Variants in OSBPL9 observed in about 807,000 individuals in gnomAD.
OSBPL9 encodes oxysterol binding protein like 9.
OSBPL9 carries 40 observed loss-of-function variants against 106.6 expected under a neutral mutation model. The observed-to-expected ratio is 0.38, with a 90% CI of 0.29 to 0.49. The LOEUF (loss-of-function observed/expected upper bound fraction) is 0.49, where lower values mean the gene tolerates loss of function less well. Ranked by LOEUF, OSBPL9 falls within the 20% of genes least tolerant of loss-of-function variation. The pLI, the probability that OSBPL9 is intolerant of heterozygous loss-of-function variation, is 0.97. For missense variants in OSBPL9, 609 were observed against 887.2 expected, an observed-to-expected ratio of 0.69 and a Z score of 3.98; for synonymous variants, 269 against 295.4, an observed-to-expected ratio of 0.91 and a Z score of 0.92.
chr1:51,606,339 A>G (rs1352594017), intron 2 of OSBPL9, among the ~76,000 whole-genome samples: 1 of 152,236 alleles, frequency 6.6e-6, no homozygotes, highest in Admixed American at 6.5e-5. Flanking sequence ...TGATCTCTGT[A>G]TCTTCAGCAC....
In OSBPL9 at chr1:51,759,266, G is replaced by A. The variant is rs188121780; in HGVS notation, c.583-1424G>A. ...CTTGATCGAAAAGACCTTATTTAAT[G>A]AGTTTTAGATATTCATGCAGAAAGA... is the stretch of plus-strand genomic sequence containing the variant. On this transcript the variant is annotated intron_variant, in intron 9 of 23. Coordinates refer to ENST00000428468, the MANE Select transcript of OSBPL9 (RefSeq NM_024586.6). Among the ~76,000 whole-genome samples the A allele has an allele frequency of 1.5e-3, 221 of 152,070 alleles. 1 individual carries two copies. The highest frequency in any genetic ancestry group is 5.2e-3 in the African/African-American group (216 of 41,508).
intron 2 of OSBPL9, among the ~76,000 whole-genome samples, chr1:51,602,441 G>A (rs1026530320): frequency 4.1e-5 from 1 of 24,678 alleles, no homozygotes; most frequent in African/African-American, 2.0e-4. Flanking sequence ...TTTTTTTTTT[G>A]AGACTGGGTC....
At chr1:51,783,610 G>C (rs923839744) in intron 17 of OSBPL9, among the ~76,000 whole-genome samples, 8 of 152,292 alleles carry the variant, frequency 5.3e-5, no homozygotes, top group Admixed American at 5.2e-4. Flanking sequence ...GGAAACACTG[G>C]CTGGGCCTAG....
In OSBPL9 at chr1:51,727,403, G is replaced by A. The variant is rs990960545; in HGVS notation, c.318+13324G>A. 1.3e-5 allele frequency among the ~76,000 whole-genome samples: 2 copies of A among 152,016 alleles called. 1 individual carries two copies. Among genetic ancestry groups the A allele is most frequent in the Non-Finnish European group, 2.9e-5 (2 of 68,006 alleles). On this transcript the variant is annotated intron_variant, in intron 4 of 23. Coordinates refer to ENST00000428468, the MANE Select transcript of OSBPL9 (RefSeq NM_024586.6). Reference sequence around the variant, plus strand: ...CATAAGAAATCTGTTTGAGGACTTCGTATGTGCCAGGAATTCTACTAAATA... The same window carrying A: ...CATAAGAAATCTGTTTGAGGACTTCATATGTGCCAGGAATTCTACTAAATA...
rs187467082 is a variant in OSBPL9, at chr1:51,737,823, A to C, written c.319-7713A>C. Among the ~76,000 whole-genome samples, 3 of 152,124 alleles carry C rather than the reference A, an allele frequency of 2.0e-5. No individual in the cohort carries two copies. In the East Asian group the frequency reaches 5.8e-4, roughly 29 times the overall value. On this transcript the variant is annotated intron_variant, in intron 4 of 23. Coordinates refer to ENST00000428468, the MANE Select transcript of OSBPL9 (RefSeq NM_024586.6). Reference sequence around the variant, plus strand: ...AATTTGCTGGATTCTGAATCATCTGAGGCAATTTTATATGCCTTTCATAAC... The same window carrying C: ...AATTTGCTGGATTCTGAATCATCTGCGGCAATTTTATATGCCTTTCATAAC...
At chr1:51,626,976 C>A (rs1644802844) in intron 1 of OSBPL9, among the ~76,000 whole-genome samples, 1 of 152,112 alleles carries the variant, frequency 6.6e-6, no homozygotes, top group Non-Finnish European at 1.5e-5. Context: ...ATGGGTAGGT[C>A]TGATCCATTT....
the OSBPL9 span, among the ~76,000 whole-genome samples, chr1:51,531,649 T>C: frequency 1.3e-5 from 2 of 152,224 alleles, no homozygotes; most frequent in Non-Finnish European, 2.9e-5. Context: ...TGACTAAATT[T>C]GATACACTTT....
intron 12 of OSBPL9, among the ~76,000 whole-genome samples, chr1:51,771,518 G>A (rs1201842588): frequency 1.3e-5 from 2 of 151,736 alleles, no homozygotes; most frequent in South Asian, 2.1e-4. Flanking sequence ...CACTTCCATC[G>A]GTAAATTATG....
At chr1:51,664,891 G>A (rs1446804621) in intron 2 of OSBPL9, among the ~76,000 whole-genome samples, 1 of 152,148 alleles carries the variant, frequency 6.6e-6, no homozygotes, top group Non-Finnish European at 1.5e-5. Context: ...ATTTTCAGAT[G>A]AGATAGTATA....
chr1:51,545,692 T>C, the OSBPL9 span, among the ~76,000 whole-genome samples: 4 of 152,120 alleles, frequency 2.6e-5, no homozygotes, highest in African/African-American at 7.2e-5. Context: ...AGAGGATCGC[T>C]TGAGTGCAGG....
chr1:51,699,209 A>G (rs1337615837), intron 3 of OSBPL9, among the ~76,000 whole-genome samples: 1 of 152,156 alleles, frequency 6.6e-6, no homozygotes, highest in Admixed American at 6.5e-5. Flanking sequence ...ACATGTATAC[A>G]TTAGTCCTGC....
rs760713948 is a variant in OSBPL9 at position 51,760,632 on chromosome 1, G to A, written c.583-58G>A. 6 of 1,608,156 alleles carry A rather than the reference G, an allele frequency of 3.7e-6. No individual in the cohort carries two copies. The Admixed American group carries it at 6.7e-5, about 18-fold the overall frequency. ...AAGTCATAAATGTGGGCATTTGGGAGGGTAGCATGAGAAGAGCATTTAATT... is the reference window on the plus strand; with the variant it reads ...AAGTCATAAATGTGGGCATTTGGGAAGGTAGCATGAGAAGAGCATTTAATT... On this transcript the variant is annotated intron_variant, in intron 9 of 23. Transcript: ENST00000428468.
At chr1:51,748,911 C>T (rs1668611582) in intron 7 of OSBPL9, among the ~76,000 whole-genome samples, 1 of 152,112 alleles carries the variant, frequency 6.6e-6, no homozygotes, top group South Asian at 2.1e-4. Flanking sequence ...CATGGATAAA[C>T]CCCATCTCTA....
intron 3 of OSBPL9, among the ~76,000 whole-genome samples, chr1:51,692,239 G>A (rs1398050486): frequency 6.6e-6 from 1 of 152,182 alleles, no homozygotes; most frequent in Non-Finnish European, 1.5e-5. Flanking sequence ...GAGCCTGGGA[G>A]GTCAGGGCTG....
the OSBPL9 span, among the ~76,000 whole-genome samples, chr1:51,549,831 TCAAAA>T: frequency 6.6e-6 from 1 of 152,198 alleles, no homozygotes; most frequent in Non-Finnish European, 1.5e-5. Context: ...AGACTCTGTC[TCAAAA>T]CAAAACAAAA....
intron 16 of OSBPL9, 58 bp from the exon 17 acceptor site, chr1:51,782,501 T>C: frequency 6.6e-7 from 1 of 1,505,178 alleles, no homozygotes; most frequent in Non-Finnish European, 9.2e-7. Context: ...TACCAGATTC[T>C]CTGAAATGTC....
chr1:51,672,414 A>G (rs558283907), intron 3 of OSBPL9, among the ~76,000 whole-genome samples: 1 of 152,148 alleles, frequency 6.6e-6, no homozygotes, highest in South Asian at 2.1e-4. Flanking sequence ...CAGTTTATTT[A>G]CTCATGACTA....
intron 4 of OSBPL9, among the ~76,000 whole-genome samples, chr1:51,741,637 GA>G (rs2148985908): frequency 7.1e-6 from 1 of 140,400 alleles, no homozygotes; most frequent in South Asian, 2.2e-4. Flanking sequence ...AAGTGTTTTT[GA>G]AAAACAGAGA....
chr1:51,664,715 A>G (rs1570913564), intron 2 of OSBPL9, among the ~76,000 whole-genome samples: 1 of 152,114 alleles, frequency 6.6e-6, no homozygotes, highest in East Asian at 1.9e-4. Context: ...TAAATAAATA[A>G]GTTCAAAGAC....
Sources: gnomAD v4.1 joint callset for allele counts (sites outside exome capture counted in the v4.1 genomes callset) on GRCh38, gnomAD v4.1.1 for gene constraint, MANE v1.5 for transcripts, NCBI Gene and HGNC (gene_info 2026-07-23, HGNC 2026-07-21) for gene names.